Variants in SYNRG observed in about 807,000 individuals in gnomAD.
SYNRG encodes AP1 gamma subunit binding protein 1.
SYNRG carries 37 observed loss-of-function variants against 130.9 expected under a neutral mutation model. The observed-to-expected ratio is 0.28, with a 90% confidence interval of 0.22 to 0.37. The LOEUF is 0.37. SYNRG is among the 10% of genes least tolerant of loss of function. SYNRG has a pLI of 1.00. For missense variants in SYNRG, 1,338 were observed against 1,588.9 expected, an observed-to-expected ratio of 0.84 and a Z score of 2.68; for synonymous variants, 539 against 568.1, an observed-to-expected ratio of 0.95 and a Z score of 0.73.
chr17:37,546,022 T>C (rs1403499270), intron 14 of SYNRG, among the ~76,000 whole-genome samples: 1 of 152,230 alleles, frequency 6.6e-6, no homozygotes, highest in African/African-American at 2.4e-5. Flanking sequence ...ATGTGGTACA[T>C]CAGTTCATTG....
chr17:37,577,404 G>C lies in SYNRG; in HGVS notation c.799C>G (p.Gln267Glu). The change falls in exon 7 of 22, where the codon CAA becomes GAA. Residue 267 changes from glutamine (Q) to glutamate (E), a missense_variant. By Grantham distance (29) the Gln-to-Glu change is conservative. This residue lies in a region of SYNRG where 1,146 missense variants were observed against 1,342.3 expected (regional missense o/e 0.85). Transcript: ENST00000612223. ...TTAEAENTSD[Q>E]NLSIEESGVG... ...CCACTCTCTTCAATTGACAGGTTTT[G>C]ATCTGAAGTATTTTCTGCCTCTGCA... The C allele has an allele frequency of 6.2e-7, 1 of 1,614,144 alleles. No homozygotes were observed.
intron 19 of SYNRG, among the ~76,000 whole-genome samples, chr17:37,528,343 G>C (rs1235024536): frequency 1.3e-5 from 2 of 151,948 alleles, no homozygotes; most frequent in African/African-American, 2.4e-5. Flanking sequence ...CCCTTATAAG[G>C]ACTCATCATG....
At chr17:37,566,613 A>G (rs1048270657) in intron 11 of SYNRG, among the ~76,000 whole-genome samples, 1 of 151,182 alleles carries the variant, frequency 6.6e-6, no homozygotes, top group Non-Finnish European at 1.5e-5. Flanking sequence ...TCTGTGAGAA[A>G]CACCCAAGAA....
chr17:37,606,243 G>C lies in SYNRG; in HGVS notation c.77+3036C>G, dbSNP rs542539885. ...GACTAGGCCTTCCCATCTCTGTGAC[G>C]ATCTCTTGACCGCTTCCTCTTCCTC... On this transcript the variant is annotated intron_variant, in intron 1 of 21. Coordinates refer to ENST00000612223, the MANE Select transcript of SYNRG (RefSeq NM_007247.6). Among the ~76,000 whole-genome samples the C allele has an allele frequency of 8.5e-5, 13 of 152,266 alleles. No homozygotes were observed. In the East Asian group the frequency reaches 2.3e-3, roughly 27 times the overall value.
intron 14 of SYNRG, among the ~76,000 whole-genome samples, chr17:37,548,481 A>G (rs912157343): frequency 6.6e-6 from 1 of 152,176 alleles, no homozygotes. Flanking sequence ...TGGCATATTT[A>G]AGACACTACA....
chr17:37,600,051 G>A (rs745724052), intron 2 of SYNRG, among the ~76,000 whole-genome samples: 4 of 152,118 alleles, frequency 2.6e-5, no homozygotes, highest in Non-Finnish European at 4.4e-5. Context: ...ATTACAGCTC[G>A]TTTCATTTTT....
chr17:37,549,200 A>C (rs1176296022), intron 14 of SYNRG, among the ~76,000 whole-genome samples: 1 of 152,134 alleles, frequency 6.6e-6, no homozygotes, highest in African/African-American at 2.4e-5. Context: ...ATTCTAAAAA[A>C]GAACAAAGAA....
intron 11 of SYNRG, 30 bp from the exon 12 acceptor site, chr17:37,561,619 A>T (rs1369539595): frequency 1.3e-6 from 2 of 1,500,014 alleles, no homozygotes; most frequent in Non-Finnish European, 1.9e-6. Flanking sequence ...TATTTTGATG[A>T]CATTGAATCC....
chr17:37,570,554 C>T, intron 10 of SYNRG, 83 bp downstream of exon 10: 2 of 1,495,028 alleles, frequency 1.3e-6, no homozygotes, highest in Non-Finnish European at 8.9e-7. Flanking sequence ...AATCCAGTAA[C>T]CTACTCTATG....
chr17:37,553,510 G>A lies in SYNRG; in HGVS notation c.2213C>T (p.Ser738Leu), dbSNP rs144732869. 5.6e-5 allele frequency: 91 copies of A among 1,614,194 alleles called. No individual in the cohort carries two copies. The highest frequency in any genetic ancestry group is 7.0e-5 in the Non-Finnish European group (83 of 1,180,026). ...ATCGTACTTGGTAGACGCAGCAGTC[G>A]AGTTTTGTCCACCCTTCACTGTGCT... ...VGSTVKGGQN[S>L]TAASTKYDVF... is the part of the protein sequence containing the mutation. Residue 738 changes from serine (S) to leucine (L), a missense_variant, in exon 14 of 22, where the codon TCG becomes TTG. By Grantham distance (145) the Ser-to-Leu change is moderately radical. Around this residue, in one of 3 missense-constraint regions of SYNRG, gnomAD observed 1,146 missense variants for 1,342.3 expected, o/e 0.85. Coordinates refer to ENST00000612223, the MANE Select transcript of SYNRG (RefSeq NM_007247.6).
At chr17:37,544,426 G>A (rs934193042) in intron 14 of SYNRG, among the ~76,000 whole-genome samples, 4 of 151,766 alleles carry the variant, frequency 2.6e-5, no homozygotes, top group Non-Finnish European at 5.9e-5. Flanking sequence ...GCGATTCTCC[G>A]GTCTCAGCCT....
chr17:37,535,810 C>A (rs945274271), intron 19 of SYNRG, among the ~76,000 whole-genome samples, 169 bp downstream of exon 19: 1 of 152,178 alleles, frequency 6.6e-6, no homozygotes, highest in Non-Finnish European at 1.5e-5. Flanking sequence ...CAGAAGCCCA[C>A]CTGGTACTGT....
At chr17:37,535,193 A>G (rs1468783606) in intron 19 of SYNRG, among the ~76,000 whole-genome samples, 1 of 152,174 alleles carries the variant, frequency 6.6e-6, no homozygotes, top group African/African-American at 2.4e-5. Flanking sequence ...GAAGAGTCCA[A>G]TCCGTTTATA....
At chr17:37,539,735 A>T (rs1430000346) in intron 16 of SYNRG, among the ~76,000 whole-genome samples, 1 of 152,228 alleles carries the variant, frequency 6.6e-6, no homozygotes, top group Non-Finnish European at 1.5e-5. Context: ...ACTTCTGAGC[A>T]CAGGACCTGT....
chr17:37,577,691 T>C, intron 6 of SYNRG, 78 bp from the exon 7 acceptor site: 1 of 887,754 alleles, frequency 1.1e-6, no homozygotes, highest in Non-Finnish European at 1.7e-6. Context: ...TCCACCCCCA[T>C]ATTCTTTTTT....
Position 37,554,068 on chromosome 17 carries a change from A to G in SYNRG, c.1664-9T>C. On this transcript the variant is annotated splice_polypyrimidine_tract_variant and intron_variant, in intron 13 of 21. Coordinates refer to ENST00000612223, the MANE Select transcript of SYNRG (RefSeq NM_007247.6). The stretch of plus-strand genomic sequence containing the variant: ...TTCTGCAAAGCTTTCTCCTGAAAGA[A>G]AAAATACCACCAAACAAATGGGAAT... 1.3e-6 allele frequency: 2 copies of G among 1,586,314 alleles called. No individual in the cohort carries two copies. The highest frequency in any genetic ancestry group is 1.7e-6 in the Non-Finnish European group (2 of 1,173,374).
intron 19 of SYNRG, 47 bp from the exon 20 acceptor site, chr17:37,520,695 C>G (rs368314515): frequency 2.0e-6 from 3 of 1,508,534 alleles, no homozygotes; most frequent in Non-Finnish European, 2.8e-6. Flanking sequence ...CAAGTCCACA[C>G]GCTGTTCACT....
chr17:37,552,074 C>T (rs1171903240), intron 14 of SYNRG, among the ~76,000 whole-genome samples: 1 of 152,116 alleles, frequency 6.6e-6, no homozygotes, highest in Non-Finnish European at 1.5e-5. Context: ...TTTTGTTTTC[C>T]GACTTGCCAA....
intron 8 of SYNRG, 30 bp from the exon 9 acceptor site, chr17:37,572,017 GAA>G: frequency 6.4e-7 from 1 of 1,564,596 alleles, no homozygotes; most frequent in Non-Finnish European, 8.7e-7. Context: ...ATTACAAATG[GAA>G]ACACATTCCA....
Sources: allele counts gnomAD v4.1 joint callset (sites outside exome capture counted in the v4.1 genomes callset), GRCh38; gene constraint gnomAD v4.1.1; regional missense constraint gnomAD v4.1.1; transcripts MANE v1.5; gene names NCBI Gene and HGNC (gene_info 2026-07-23, HGNC 2026-07-21).